ADGRB3: variants seen among roughly 807,000 people sequenced by gnomAD.
The protein encoded by ADGRB3 is adhesion G protein-coupled receptor B3.
A neutral mutation model predicts 193.4 loss-of-function variants in ADGRB3; 37 were observed. That is an observed-to-expected ratio of 0.19 (90% CI 0.15 to 0.25). The LOEUF (loss-of-function observed/expected upper bound fraction) is 0.25. Ranked by LOEUF, ADGRB3 falls within the 10% of genes least tolerant of loss-of-function variation. The pLI, the probability that ADGRB3 is intolerant of heterozygous loss-of-function variation, is 1.00. For synonymous variants in ADGRB3, 690 were observed against 644.2 expected (o/e 1.07, Z -1.08); for missense variants, 1,637 against 1,852.9 (o/e 0.88, Z 2.14).
chr6:69,259,091 T>C (rs772715098), intron 20 of ADGRB3, among the ~76,000 whole-genome samples: 1 of 152,206 alleles, frequency 6.6e-6, no homozygotes, highest in Non-Finnish European at 1.5e-5. Context: ...TTAAACACTT[T>C]GACCTTCCTG....
At chr6:69,261,600 A>G (rs532108181) in intron 20 of ADGRB3, among the ~76,000 whole-genome samples, 1 of 152,210 alleles carries the variant, frequency 6.6e-6, no homozygotes, top group African/African-American at 2.4e-5. Flanking sequence ...AGAAAGTCCT[A>G]AATGAATAAA....
chr6:68,781,987 A>T (rs1046358671), intron 3 of ADGRB3, among the ~76,000 whole-genome samples: 4 of 151,984 alleles, frequency 2.6e-5, no homozygotes, highest in African/African-American at 9.7e-5. Flanking sequence ...TATTTTTATT[A>T]TACTTTAAGT....
At chr6:68,814,204 C>T (rs1436386044) in intron 3 of ADGRB3, among the ~76,000 whole-genome samples, 1 of 152,186 alleles carries the variant, frequency 6.6e-6, no homozygotes, top group Non-Finnish European at 1.5e-5. Context: ...TTCTCCACAT[C>T]CTCTCCGGCA....
intron 8 of ADGRB3, among the ~76,000 whole-genome samples, chr6:68,964,226 A>G (rs974639644): frequency 2.6e-5 from 4 of 152,146 alleles, no homozygotes; most frequent in African/African-American, 9.7e-5. Context: ...GAGGTAGGAA[A>G]AATATATGTT....
intron 3 of ADGRB3, among the ~76,000 whole-genome samples, chr6:68,748,349 T>A (rs1362063267): frequency 1.3e-5 from 2 of 152,184 alleles, no homozygotes; most frequent in Non-Finnish European, 2.9e-5. Flanking sequence ...GGAAGCTAGT[T>A]ACTTCCTAGA....
At chr6:69,317,757 T>C (rs1768349382) in intron 20 of ADGRB3, among the ~76,000 whole-genome samples, 1 of 151,544 alleles carries the variant, frequency 6.6e-6, no homozygotes, top group Non-Finnish European at 1.5e-5. Context: ...TCATGGTGTC[T>C]ACTGCCTATT....
chr6:69,288,392 G>T (rs915964427), intron 20 of ADGRB3, among the ~76,000 whole-genome samples: 1 of 151,988 alleles, frequency 6.6e-6, no homozygotes, highest in African/African-American at 2.4e-5. Flanking sequence ...CTTTTTTATG[G>T]CTGCATAGTA....
chr6:69,313,266 T>A (rs1437099891), intron 20 of ADGRB3, among the ~76,000 whole-genome samples: 1 of 151,856 alleles, frequency 6.6e-6, no homozygotes, highest in African/African-American at 2.4e-5. Context: ...CCCCAGGTGA[T>A]ACCAATGTGC....
intron 10 of ADGRB3, among the ~76,000 whole-genome samples, chr6:68,981,162 T>G (rs1273289796): frequency 6.6e-6 from 1 of 151,586 alleles, no homozygotes; most frequent in East Asian, 1.9e-4. Context: ...GGAATTCAAA[T>G]AATCATTGCA....
intron 20 of ADGRB3, among the ~76,000 whole-genome samples, chr6:69,282,464 T>C (rs1393681280): frequency 2.0e-5 from 3 of 152,204 alleles, no homozygotes; most frequent in Non-Finnish European, 4.4e-5. Context: ...AAAAGTGAAT[T>C]GAAATATACT....
intron 28 of ADGRB3, 140 bp from the exon 29 acceptor site, chr6:69,360,729 T>C (rs1769431739): frequency 1.2e-6 from 1 of 836,358 alleles, no homozygotes; most frequent in Admixed American, 3.2e-5. Context: ...ACAAACAAAT[T>C]GATATGTATT....
At chr6:68,821,625 C>T (rs976812709) in intron 3 of ADGRB3, among the ~76,000 whole-genome samples, 18 of 151,112 alleles carry the variant, frequency 1.2e-4, no homozygotes, top group East Asian at 5.8e-4. Context: ...ATGGATCATG[C>T]GTATAATTTG....
intron 3 of ADGRB3, among the ~76,000 whole-genome samples, chr6:68,884,256 G>A (rs1765836237): frequency 1.3e-5 from 2 of 152,194 alleles, no homozygotes; most frequent in Non-Finnish European, 2.9e-5. Context: ...CAGGCACGGG[G>A]ATGTGTCAGG....
At chr6:69,169,254 A>ATGTT (rs879283801) in intron 17 of ADGRB3, among the ~76,000 whole-genome samples, 20 of 152,068 alleles carry the variant, frequency 1.3e-4, no homozygotes, top group Non-Finnish European at 2.6e-4. Flanking sequence ...ACTACTGAAA[A>ATGTT]TGTTGTTTAT....
At chr6:68,793,735 G>A (rs531174230) in intron 3 of ADGRB3, among the ~76,000 whole-genome samples, 1 of 151,982 alleles carries the variant, frequency 6.6e-6, no homozygotes, top group African/African-American at 2.4e-5. Flanking sequence ...ACCCCTGTTG[G>A]CCAGATTGGT....
intron 17 of ADGRB3, among the ~76,000 whole-genome samples, chr6:69,126,132 A>G (rs1349622604): frequency 6.6e-6 from 1 of 152,230 alleles, no homozygotes; most frequent in African/African-American, 2.4e-5. Flanking sequence ...GTAATATAGT[A>G]TGGTACATAA....
intron 3 of ADGRB3, among the ~76,000 whole-genome samples, chr6:68,772,259 G>A (rs144898457): frequency 4.4e-4 from 67 of 152,202 alleles, no homozygotes; most frequent in African/African-American, 1.6e-3. Context: ...AAGAATGGGA[G>A]GGCTAGAGGT....
At chr6:69,175,649 T>A (rs314198) in intron 17 of ADGRB3, among the ~76,000 whole-genome samples, 23,255 of 152,172 alleles carry the variant, frequency 0.15, 1,974 homozygotes, top group Non-Finnish European at 0.18. Context: ...ATATGACTTT[T>A]TGAATATTTT....
chr6:69,003,653 G>T (rs138207741), intron 11 of ADGRB3, among the ~76,000 whole-genome samples: 1 of 152,180 alleles, frequency 6.6e-6, no homozygotes, highest in Admixed American at 6.5e-5. Flanking sequence ...AACATAACTA[G>T]CATCACTTCC....
Sources: allele counts gnomAD v4.1 joint callset (sites outside exome capture counted in the v4.1 genomes callset), GRCh38; gene constraint gnomAD v4.1.1; transcripts MANE v1.5; gene names NCBI Gene and HGNC (gene_info 2026-07-23, HGNC 2026-07-21).